ZNF701: variants seen among roughly 807,000 people sequenced by gnomAD.
ZNF701 encodes the protein zinc finger protein 701.
ZNF701 carries 6 observed loss-of-function variants against 7.1 expected under a neutral mutation model. That is an observed-to-expected ratio of 0.84 (90% CI 0.46 to 1.66). The LOEUF is 1.66. Ranked by LOEUF, ZNF701 falls within the 40% of genes most tolerant of loss-of-function variation. The pLI is 0.01. For synonymous variants in ZNF701, 166 were observed against 188.2 expected (o/e 0.88, Z 0.97); for missense variants, 541 against 559.2 (o/e 0.97, Z 0.33).
intron 2 of ZNF701, among the ~76,000 whole-genome samples, chr19:52,575,445 T>G (rs936773146): frequency 1.1e-5 from 1 of 93,530 alleles, no homozygotes; most frequent in African/African-American, 7.1e-5. Flanking sequence ...GTAGGTTTTA[T>G]TTTTTTTTTA....
intron 1 of ZNF701, 33 bp from the exon 2 acceptor site, chr19:52,574,044 C>G (rs960581921): frequency 6.3e-7 from 1 of 1,597,442 alleles, no homozygotes; most frequent in Non-Finnish European, 8.6e-7. Flanking sequence ...TGTGTTGATT[C>G]TGAGCAGTAA....
chr19:52,588,459 C>G, downstream of ZNF701: 1 of 176,236 alleles, frequency 5.7e-6, no homozygotes, highest in Non-Finnish European at 1.2e-5. Flanking sequence ...GAACCACATT[C>G]TTGTGACAGA....
the ZNF701 span, among the ~76,000 whole-genome samples, chr19:52,592,772 T>TAGAGATGGGATATGACCATGTTGGCC: frequency 1.4e-4 from 18 of 127,774 alleles, no homozygotes; most frequent in African/African-American, 2.7e-4. Context: ...GTATTTTTTT[T>TAGAGATGGGATATGACCATGTTGGCC]ATTTTTATTT....
downstream of ZNF701, chr19:52,592,031 T>G: frequency 1.5e-6 from 1 of 647,652 alleles, no homozygotes; most frequent in South Asian, 2.0e-5. Flanking sequence ...TATTTTCTCT[T>G]TTCTCATTTC....
rs2059993108 is a variant in ZNF701, at chr19:52,583,929, G to A, written c.*472G>A. 2.5e-6 allele frequency: 1 copy of A among 394,584 alleles called. No homozygotes were observed. Among genetic ancestry groups the A allele is most frequent in the South Asian group, 2.1e-5 (1 of 48,186 alleles). 24.4% of individuals were successfully genotyped at this position (394,584 alleles called of 1,614,324 possible). ...CATCATTCATAACTTGCAGTTCATT[G>A]GCGATCTTATACAGGAGAGAAATCT... On this transcript the variant is annotated 3_prime_UTR_variant, in exon 4 of 4. Transcript: ENST00000391785.
rs187474628 is a variant in ZNF701, at chr19:52,571,867, G to A, written c.-72+1537G>A. Among the ~76,000 whole-genome samples the A allele has an allele frequency of 1.6e-4, 25 of 151,618 alleles. No individual in the cohort carries two copies. In the East Asian group the frequency reaches 1.9e-3, roughly 12 times the overall value. Reference sequence around the variant, plus strand: ...AGACGGAGTTTCGCTCTTGTTGCCCGTGCTGGAGTGCAATGGTGCGATCTC... The same window carrying A: ...AGACGGAGTTTCGCTCTTGTTGCCCATGCTGGAGTGCAATGGTGCGATCTC... On this transcript the variant is annotated intron_variant, in intron 1 of 3. Transcript: ENST00000391785.
rs1213094019 is a variant in ZNF701 at position 52,584,700 on chromosome 19, T to C, written c.*1243T>C. 6.6e-6 allele frequency: 1 copy of C among 152,238 alleles called. No individual in the cohort carries two copies. The highest frequency in any genetic ancestry group is 1.5e-5 in the Non-Finnish European group (1 of 68,040). 9.4% of individuals were successfully genotyped at this position (152,238 alleles called of 1,614,324 possible). A position where few individuals can be genotyped will look rare whatever the true frequency, so the allele number is the denominator to read the frequency against. On this transcript the variant is annotated 3_prime_UTR_variant, in exon 4 of 4. Transcript: ENST00000391785. ...TTAAGATCTCTAGCAAATGGAAGTGTTTTTTAATTTTCGTTTAAATTTTTT... is the reference window on the plus strand; with the variant it reads ...TTAAGATCTCTAGCAAATGGAAGTGCTTTTTAATTTTCGTTTAAATTTTTT...
At position 52,575,959 on chromosome 19, in the gene ZNF701, C is replaced by T. The variant is rs2059931559; in HGVS notation, c.80C>T (p.Pro27Leu). The T allele has an allele frequency of 3.2e-6, 5 of 1,581,048 alleles. No homozygotes were observed. The South Asian group carries it at 3.4e-5, about 11-fold the overall frequency. The change falls in exon 3 of 4, where the codon CCT becomes CTT. Residue 27 changes from proline (P) to leucine (L), a missense_variant. Transcript: ENST00000391785. The part of the protein sequence containing the change: ...FSQEEWKCLD[P>L]AQRTLYRDVM... The stretch of plus-strand genomic sequence containing the variant: ...CAGGAGGAGTGGAAATGCCTGGACC[C>T]TGCTCAGAGGACTCTATACAGAGAC...
intron 1 of ZNF701, chr19:52,572,246 G>T (rs774612870): frequency 1.2e-5 from 5 of 409,148 alleles, no homozygotes; most frequent in African/African-American, 4.3e-5. Flanking sequence ...GTAGAGATGG[G>T]GTTTCTCCAT....
downstream of ZNF701, among the ~76,000 whole-genome samples, chr19:52,587,367 A>G (rs1030250327): frequency 2.6e-5 from 4 of 152,086 alleles, no homozygotes; most frequent in African/African-American, 4.8e-5. Context: ...TGCTCCAGCC[A>G]TACAGGCCTC....
At chr19:52,600,024 C>G in the ZNF701 span, among the ~76,000 whole-genome samples, 1 of 152,152 alleles carries the variant, frequency 6.6e-6, no homozygotes, top group African/African-American at 2.4e-5. Context: ...ATCTTGAAAA[C>G]ATGTCCTTAA....
In ZNF701 at chr19:52,583,955, T is replaced by TA. The variant is rs2146997442; in HGVS notation, c.*499dup. ...GCGATCTTATACAGGAGAGAAATCT[T>TA]ACAAATGTGATGATTGTGGCAAGGT... On this transcript the variant is annotated 3_prime_UTR_variant, in exon 4 of 4. Coordinates refer to ENST00000391785, the MANE Select transcript of ZNF701 (RefSeq NM_018260.3). 7.4e-6 allele frequency: 3 copies of TA among 406,058 alleles called. No individual in the cohort carries two copies. The highest frequency in any genetic ancestry group is 6.4e-5 in the Admixed American group (2 of 31,262). 25.2% of individuals were successfully genotyped at this position (406,058 alleles called of 1,614,324 possible).
At position 52,582,310 on chromosome 19, in the gene ZNF701, A is replaced by G. The variant is rs1239709783; in HGVS notation, c.251A>G (p.Asp84Gly). 6 of 1,613,964 alleles carry G rather than the reference A, an allele frequency of 3.7e-6. No homozygotes were observed. Among genetic ancestry groups the G allele is most frequent in the Middle Eastern group, 1.6e-4 (1 of 6,084 alleles). ...LQIHASHHIG[D>G]TCFQEIEKDI... ...ATACATGCAAGTCATCACATTGGAG[A>G]TACTTGCTTCCAGGAAATTGAGAAA... Residue 84 changes from aspartate to glycine, a missense_variant, in exon 4 of 4, where the codon GAT (aspartate) becomes GGT (glycine). Transcript: ENST00000391785.
chr19:52,575,123 C>G (rs1434958848), intron 2 of ZNF701, among the ~76,000 whole-genome samples: 1 of 152,126 alleles, frequency 6.6e-6, no homozygotes, highest in Non-Finnish European at 1.5e-5. Context: ...GCACCCCCCA[C>G]CACGCCCGGA....
At chr19:52,587,195 A>C (rs2060017815), downstream of ZNF701, 2 of 152,200 alleles carry the variant, frequency 1.3e-5, no homozygotes, top group African/African-American at 4.8e-5. Context: ...TTATAATGTA[A>C]AGAGAAAATT....
the ZNF701 span, chr19:52,595,885 A>G: frequency 3.0e-5 from 49 of 1,613,166 alleles, 2 homozygotes; most frequent in African/African-American, 5.2e-4. Flanking sequence ...AGCCTATTAA[A>G]GATCAGCTTG....
Position 52,576,028 on chromosome 19 carries a change from A to G in ZNF701, c.142+7A>G. ...AGGAACCTGGTCTCCCTGGGTGAGG[A>G]TAACTTCCCTCCAGAAGTGGGGATG... On this transcript the variant is annotated splice_region_variant and intron_variant, in intron 3 of 3. Coordinates refer to ENST00000391785, the MANE Select transcript of ZNF701 (RefSeq NM_018260.3). 1 of 1,586,202 alleles carries G rather than the reference A, an allele frequency of 6.3e-7. No homozygotes were observed. The highest frequency in any genetic ancestry group is 1.2e-5 in the South Asian group (1 of 86,466).
At chr19:52,597,653 T>A in the ZNF701 span, 1 of 338,952 alleles carries the variant, frequency 3.0e-6, no homozygotes, top group Non-Finnish European at 5.7e-6. Context: ...AGTGTGTAGG[T>A]GGCCGTTGGG....
rs2059985294 is a variant in ZNF701 at position 52,582,886 on chromosome 19, G to T, written c.827G>T (p.Gly276Val). 1 of 1,613,080 alleles carries T rather than the reference G, an allele frequency of 6.2e-7. No individual in the cohort carries two copies. Among genetic ancestry groups the T allele is most frequent in the Non-Finnish European group, 8.5e-7 (1 of 1,179,338 alleles). The part of the protein sequence containing the change: ...GENPYTCNEC[G>V]KTFSHNSALL... The stretch of plus-strand genomic sequence containing the variant: ...AATCCTTACACGTGTAATGAGTGTG[G>T]CAAGACATTCAGTCACAATTCAGCC... The change falls in exon 4 of 4, where the codon GGC (glycine) becomes GTC (valine). Residue 276 changes from glycine to valine, a missense_variant. Physicochemically the swap from Gly to Val is moderately radical, Grantham distance 109. Transcript: ENST00000391785.
Sources: allele counts gnomAD v4.1 joint callset (sites outside exome capture counted in the v4.1 genomes callset), GRCh38; gene constraint gnomAD v4.1.1; transcripts MANE v1.5; gene names NCBI Gene and HGNC (gene_info 2026-07-23, HGNC 2026-07-21).